Variants in FYB1 observed in about 807,000 individuals in gnomAD.
FYB1 encodes FYN-binding protein 1.
Under a neutral mutation model 94.1 loss-of-function variants are expected in FYB1, and 41 were observed. The observed-to-expected ratio is 0.44, with a 90% CI of 0.34 to 0.57. The LOEUF (loss-of-function observed/expected upper bound fraction) is 0.57, where lower values mean the gene tolerates loss of function less well. Among genes scored for constraint, FYB1 ranks in the 20% least tolerant of loss-of-function variants. The pLI is 0.02. For missense variants in FYB1, 1,050 were observed against 976.8 expected, an observed-to-expected ratio of 1.07 and a Z score of -1.00; for synonymous variants, 367 against 353.2, an observed-to-expected ratio of 1.04 and a Z score of -0.44.
chr5:39,274,321 AG>A (rs769847068), intron 1 of FYB1: 2 of 152,234 alleles, frequency 1.3e-5, no homozygotes, highest in Non-Finnish European at 2.9e-5. Flanking sequence ...ACAAGAAACA[AG>A]TAGCCATCTA....
chr5:39,183,448 G>GCCT (rs1227129958), intron 2 of FYB1, among the ~76,000 whole-genome samples: 3 of 152,160 alleles, frequency 2.0e-5, no homozygotes, highest in Non-Finnish European at 2.9e-5. Context: ...AGAGTGTCGA[G>GCCT]CATAAAGGGA....
intron 16 of FYB1, among the ~76,000 whole-genome samples, chr5:39,117,591 C>G (rs1049259561): frequency 6.6e-6 from 1 of 152,056 alleles, no homozygotes; most frequent in African/African-American, 2.4e-5. Context: ...TTTGAAAAGC[C>G]AACCACACCT....
intron 2 of FYB1, chr5:39,169,359 C>T (rs569226257): frequency 1.7e-4 from 125 of 754,892 alleles, no homozygotes; most frequent in Admixed American, 9.4e-4. Flanking sequence ...AATACTAAAC[C>T]GGTCAATTGA....
At chr5:39,251,597 A>G (rs1202028249) in intron 1 of FYB1, among the ~76,000 whole-genome samples, 1 of 152,214 alleles carries the variant, frequency 6.6e-6, no homozygotes, top group Non-Finnish European at 1.5e-5. Context: ...CACCCTATAC[A>G]TAGGAATGCT....
At chr5:39,170,183 A>G (rs1745118341) in intron 2 of FYB1, 2 of 790,880 alleles carry the variant, frequency 2.5e-6, no homozygotes, top group Non-Finnish European at 4.4e-6. Flanking sequence ...TCTGTATTTG[A>G]ACTTCTGTGA....
intron 1 of FYB1, among the ~76,000 whole-genome samples, chr5:39,213,925 A>T (rs1749639591): frequency 6.6e-6 from 1 of 152,206 alleles, no homozygotes; most frequent in Non-Finnish European, 1.5e-5. Context: ...GAAAGAAGTT[A>T]TAATTTGGGA....
intron 2 of FYB1, among the ~76,000 whole-genome samples, chr5:39,197,951 G>A (rs1747977209): frequency 6.6e-6 from 1 of 152,098 alleles, no homozygotes; most frequent in African/African-American, 2.4e-5. Flanking sequence ...ACAGAAGTAA[G>A]TAAAATGCAG....
chr5:39,209,773 G>GC (rs1749191843), intron 1 of FYB1, among the ~76,000 whole-genome samples: 1 of 152,082 alleles, frequency 6.6e-6, no homozygotes, highest in Non-Finnish European at 1.5e-5. Flanking sequence ...TGATCCTGGC[G>GC]CATCTCTTTC....
At chr5:39,185,691 C>T (rs866735174) in intron 2 of FYB1, among the ~76,000 whole-genome samples, 1 of 150,564 alleles carries the variant, frequency 6.6e-6, no homozygotes, top group Non-Finnish European at 1.5e-5. Context: ...AGCAAACCCA[C>T]AGTGTGTTAG....
chr5:39,139,033 T>C (rs10052923), intron 5 of FYB1, 200 bp downstream of exon 5: 1 of 599,192 alleles, frequency 1.7e-6, no homozygotes, highest in Non-Finnish European at 2.8e-6. Flanking sequence ...TGTTCAGCAC[T>C]ACAGCATTAT....
rs571759839 is a variant in FYB1, at chr5:39,160,174, G to T, written c.1136-6570C>A. ...ATATGAAGACTTGGTTAAGTTGCTT[G>T]ACATCTCCAAGTCTTCATTTTCTCA... On this transcript the variant is annotated intron_variant, in intron 2 of 18. Transcript: ENST00000512982. 9.2e-5 allele frequency among the ~76,000 whole-genome samples: 14 copies of T among 152,248 alleles called. No homozygotes were observed. In the South Asian group the frequency reaches 2.5e-3, roughly 27 times the overall value.
At chr5:39,234,015 A>G (rs1750854652) in intron 1 of FYB1, among the ~76,000 whole-genome samples, 1 of 152,282 alleles carries the variant, frequency 6.6e-6, no homozygotes, top group African/African-American at 2.4e-5. Context: ...TCTCTAGCTT[A>G]GATGGGGTTT....
At chr5:39,144,872 C>T (rs182785182) in intron 3 of FYB1, among the ~76,000 whole-genome samples, 99 of 152,140 alleles carry the variant, frequency 6.5e-4, no homozygotes, top group African/African-American at 2.3e-3. Context: ...ACTTTGGATT[C>T]TTATTCAAAC....
At chr5:39,210,364 G>T (rs572848858) in intron 1 of FYB1, among the ~76,000 whole-genome samples, 7 of 152,204 alleles carry the variant, frequency 4.6e-5, no homozygotes, top group Admixed American at 6.5e-5. Flanking sequence ...TCCTGGTCTG[G>T]TGTTATTCCG....
intron 16 of FYB1, among the ~76,000 whole-genome samples, chr5:39,117,834 G>A (rs970383844): frequency 9.9e-5 from 15 of 152,080 alleles, no homozygotes; most frequent in African/African-American, 2.4e-5. Context: ...ATTTAAATAC[G>A]CTTTCTTTTG....
At chr5:39,211,329 T>C (rs1360945543) in intron 1 of FYB1, among the ~76,000 whole-genome samples, 11 of 150,390 alleles carry the variant, frequency 7.3e-5, no homozygotes, top group Admixed American at 2.6e-4. Flanking sequence ...TTTCTTTTTT[T>C]TTTTTTTTTG....
rs189448231 is a variant in FYB1, at chr5:39,202,647, G to A, written c.314C>T (p.Ala105Val). ...TACAGGTTTCAGAAATCCCACTTTC[G>A]CCTCGGGGTCTCTGGTGGTCAAGCT... is the stretch of plus-strand genomic sequence containing the variant. ...PASLTTRDPE[A>V]KVGFLKPVGP... Residue 105 changes from alanine to valine, a missense_variant, in exon 2 of 19, where the codon GCG becomes GTG. Transcript: ENST00000512982. 3.7e-5 allele frequency: 60 copies of A among 1,613,804 alleles called. No individual in the cohort carries two copies. The East Asian group carries it at 9.6e-4, about 26-fold the overall frequency.
rs529275824 is a variant in FYB1 at position 39,119,150 on chromosome 5, C to T, written c.2239-114G>A. The T allele has an allele frequency of 2.2e-4, 116 of 516,572 alleles. 1 individual carries two copies. Among genetic ancestry groups the T allele is most frequent in the African/African-American group, 1.3e-3 (66 of 50,558 alleles). 32.0% of individuals were successfully genotyped at this position (516,572 alleles called of 1,614,324 possible). A position where few individuals can be genotyped will look rare whatever the true frequency, so the allele number is the denominator to read the frequency against. On this transcript the variant is annotated intron_variant, in intron 15 of 18. Transcript: ENST00000512982. ...TGCTAAAGAGATAATTCAGTGTTTTCGAAATATAATGTAGGAATATTAAAG... is the reference window on the plus strand; with the variant it reads ...TGCTAAAGAGATAATTCAGTGTTTTTGAAATATAATGTAGGAATATTAAAG...
At chr5:39,142,401 A>C (rs1169922191) in intron 3 of FYB1, among the ~76,000 whole-genome samples, 1 of 152,152 alleles carries the variant, frequency 6.6e-6, no homozygotes, top group Non-Finnish European at 1.5e-5. Flanking sequence ...ACTCATCTGC[A>C]GTTATACTCA....
Sources: gnomAD v4.1 joint callset for allele counts (sites outside exome capture counted in the v4.1 genomes callset) on GRCh38, gnomAD v4.1.1 for gene constraint, MANE v1.5 for transcripts, NCBI Gene and HGNC (gene_info 2026-07-23, HGNC 2026-07-21) for gene names.